GABBR2: variants seen among roughly 807,000 people sequenced by gnomAD.
GABBR2 encodes gamma-aminobutyric acid type B receptor subunit 2, also known as G-protein coupled receptor 51.
GABBR2 carries 23 observed loss-of-function variants against 105.6 expected under a neutral mutation model. That is an observed-to-expected ratio of 0.22 (90% CI 0.16 to 0.31). The LOEUF is 0.31. Ranked by LOEUF, GABBR2 falls within the 10% of genes least tolerant of loss-of-function variation. GABBR2 has a pLI of 1.00. For missense variants in GABBR2, 734 were observed against 1,245.5 expected, an observed-to-expected ratio of 0.59 and a Z score of 6.18; for synonymous variants, 478 against 499.7, an observed-to-expected ratio of 0.96 and a Z score of 0.58.
At chr9:98,541,231 T>C (rs1287654042) in intron 3 of GABBR2, among the ~76,000 whole-genome samples, 3 of 152,164 alleles carry the variant, frequency 2.0e-5, no homozygotes, top group Admixed American at 6.5e-5. Context: ...TTAAAACAAA[T>C]ACATTGAAAA....
chr9:98,481,068 C>T, intron 4 of GABBR2, 71 bp from the exon 5 acceptor site: 1 of 964,846 alleles, frequency 1.0e-6, no homozygotes, highest in Non-Finnish European at 1.7e-6. Flanking sequence ...AAGGCTGTGG[C>T]AGACAACATT....
chr9:98,556,861 T>G (rs1475941208), intron 2 of GABBR2, among the ~76,000 whole-genome samples: 3 of 151,952 alleles, frequency 2.0e-5, no homozygotes. Flanking sequence ...TCTGGGCAAA[T>G]TGGCAAAACC....
chr9:98,625,648 G>T (rs1710099108), intron 1 of GABBR2, among the ~76,000 whole-genome samples: 1 of 152,186 alleles, frequency 6.6e-6, no homozygotes, highest in Non-Finnish European at 1.5e-5. Context: ...GTGTGGTTAG[G>T]ATCACTCTTC....
chr9:98,483,565 T>C (rs1464247404), intron 4 of GABBR2, among the ~76,000 whole-genome samples: 1 of 152,196 alleles, frequency 6.6e-6, no homozygotes, highest in Non-Finnish European at 1.5e-5. Context: ...CTCAATTCTC[T>C]ATCACATTTC....
At chr9:98,626,550 C>T (rs1230343305) in intron 1 of GABBR2, among the ~76,000 whole-genome samples, 1 of 152,058 alleles carries the variant, frequency 6.6e-6, no homozygotes, top group Admixed American at 6.6e-5. Context: ...TCTGTGTGAT[C>T]CTGGGCAAGT....
intron 13 of GABBR2, among the ~76,000 whole-genome samples, chr9:98,316,133 G>C (rs1830712935): frequency 6.6e-6 from 1 of 151,196 alleles, no homozygotes; most frequent in Non-Finnish European, 1.5e-5. Flanking sequence ...CTGGATAGCT[G>C]GCCTGCAAAA....
In GABBR2 at chr9:98,388,787, C is replaced by G; in HGVS notation, c.1529+67G>C. ...CTGGGGAATCTGTCATGTGGCACTC[C>G]TATACTGTGTCCATAGGCTTGTCAA... On this transcript the variant is annotated intron_variant, in intron 10 of 18. Coordinates refer to ENST00000259455, the MANE Select transcript of GABBR2 (RefSeq NM_005458.8). The surrounding 1 kb of genome is among the most constrained non-coding windows in gnomAD (Gnocchi z 4.4). The G allele has an allele frequency of 7.4e-7, 1 of 1,356,972 alleles. No homozygotes were observed. The highest frequency in any genetic ancestry group is 1.3e-5 in the South Asian group (1 of 76,634). 84.1% of individuals were successfully genotyped at this position (1,356,972 alleles called of 1,614,324 possible). A position where few individuals can be genotyped will look rare whatever the true frequency, so the allele number is the denominator to read the frequency against.
At chr9:98,580,570 T>C (rs1426096198) in intron 1 of GABBR2, among the ~76,000 whole-genome samples, 1 of 152,130 alleles carries the variant, frequency 6.6e-6, no homozygotes, top group Middle Eastern at 3.2e-3. Context: ...GGCAGATCAG[T>C]TGAGGTCAGG....
intron 4 of GABBR2, among the ~76,000 whole-genome samples, chr9:98,485,499 C>T (rs911871965): frequency 2.1e-5 from 3 of 141,232 alleles, no homozygotes; most frequent in African/African-American, 7.6e-5. Context: ...CACATACACA[C>T]ACGCAGGCAC....
At chr9:98,334,000 C>T (rs1430822206) in intron 13 of GABBR2, among the ~76,000 whole-genome samples, 2 of 152,192 alleles carry the variant, frequency 1.3e-5, no homozygotes, top group Non-Finnish European at 2.9e-5. Context: ...GAACTTGGAA[C>T]AGTGCTTACC....
intron 2 of GABBR2, among the ~76,000 whole-genome samples, chr9:98,565,293 C>T (rs995347001): frequency 1.3e-5 from 2 of 152,150 alleles, no homozygotes; most frequent in African/African-American, 2.4e-5. Context: ...CATGTGTGAG[C>T]GGCCTCAGCC....
chr9:98,666,852 C>A (rs1421362131), intron 1 of GABBR2, among the ~76,000 whole-genome samples: 7 of 152,136 alleles, frequency 4.6e-5, no homozygotes, highest in Admixed American at 4.6e-4. Context: ...TGCCAAGAAC[C>A]CAGCAGACCA....
chr9:98,558,863 T>A (rs1828627202), intron 2 of GABBR2, among the ~76,000 whole-genome samples: 1 of 152,260 alleles, frequency 6.6e-6, no homozygotes, highest in South Asian at 2.1e-4. Context: ...TGATAGGGTA[T>A]CTCCAGGGAT....
chr9:98,574,872 G>A (rs185953295), intron 2 of GABBR2, among the ~76,000 whole-genome samples: 2 of 152,298 alleles, frequency 1.3e-5, no homozygotes, highest in Non-Finnish European at 1.5e-5. Context: ...TCTCTGGGCA[G>A]GGGATTTCCC....
Position 98,708,539 on chromosome 9 carries a change from C to G in GABBR2, c.199G>C (p.Glu67Gln), listed in dbSNP as rs1564157670. The G allele has an allele frequency of 6.3e-7, 1 of 1,595,872 alleles. No individual in the cohort carries two copies. Among genetic ancestry groups the G allele is most frequent in the African/African-American group, 1.3e-5 (1 of 74,472 alleles). Residue 67 changes from glutamate to glutamine, a missense_variant, in exon 1 of 19, where the codon GAG becomes CAG. Physicochemically the swap from Glu to Gln is conservative, Grantham distance 29. Coordinates refer to ENST00000259455, the MANE Select transcript of GABBR2 (RefSeq NM_005458.8). ...CGCCCGATGCTGCCCTTGGCCACCT[C>G]CTTGGTGAGCGGCATGAGGCCCATG... ...SIMGLMPLTKEVAKGSIGRGV... is the reference protein window; with the variant it reads ...SIMGLMPLTKQVAKGSIGRGV...
At chr9:98,343,614 C>G (rs1383471232) in intron 13 of GABBR2, among the ~76,000 whole-genome samples, 2 of 152,176 alleles carry the variant, frequency 1.3e-5, no homozygotes, top group African/African-American at 2.4e-5. Flanking sequence ...AATCCCAGCA[C>G]TTTGGGAGGC....
chr9:98,315,242 C>A (rs1032138316), intron 13 of GABBR2, among the ~76,000 whole-genome samples: 1 of 152,178 alleles, frequency 6.6e-6, no homozygotes, highest in Non-Finnish European at 1.5e-5. Flanking sequence ...CAAACAAACA[C>A]GATGGGTCCA....
rs1197958904 is a variant in GABBR2, at chr9:98,681,307, T to C, written c.321+27110A>G. On this transcript the variant is annotated intron_variant, in intron 1 of 18. Transcript: ENST00000259455. ...GTCCTTTGTAGGGACATGGATGAAATTGGAAATCATCATTCTCAGTAAACT... is the reference window on the plus strand; with the variant it reads ...GTCCTTTGTAGGGACATGGATGAAACTGGAAATCATCATTCTCAGTAAACT... 5.1e-5 allele frequency among the ~76,000 whole-genome samples: 3 copies of C among 58,958 alleles called. No individual in the cohort carries two copies. In the East Asian group the frequency reaches 1.1e-3, roughly 22 times the overall value. The allele number at this position is 58,958 out of a possible 152,430, so 38.7% of individuals were successfully genotyped here.
chr9:98,699,013 C>G (rs992060045), intron 1 of GABBR2, among the ~76,000 whole-genome samples: 1 of 152,170 alleles, frequency 6.6e-6, no homozygotes, highest in African/African-American at 2.4e-5. Context: ...ATGCCCAGAT[C>G]TGCACTGGAC....
Sources: gnomAD v4.1 joint callset for allele counts (sites outside exome capture counted in the v4.1 genomes callset) on GRCh38, gnomAD v4.1.1 for gene constraint, Gnocchi (gnomAD v3.1) non-coding constraint, MANE v1.5 for transcripts, NCBI Gene and HGNC (gene_info 2026-07-23, HGNC 2026-07-21) for gene names.